METTL15: variants seen among roughly 807,000 people sequenced by gnomAD.
METTL15 encodes methyltransferase 15, mitochondrial 12S rRNA N4-cytidine.
A neutral mutation model predicts 38.3 loss-of-function variants in METTL15; 34 were observed. That is an observed-to-expected ratio of 0.89 (90% CI 0.68 to 1.18). The LOEUF is 1.18. Among genes scored for constraint, METTL15 ranks in the 50% most tolerant of loss-of-function variants. METTL15 has a pLI of 0.00. For missense variants in METTL15, 438 were observed against 498.4 expected (o/e 0.88, Z 1.15); for synonymous variants, 162 against 170.9 (o/e 0.95, Z 0.41).
chr11:28,348,098 CTTGA>C (rs1238974853), intron 3 of METTL15, among the ~76,000 whole-genome samples: 2 of 152,166 alleles, frequency 1.3e-5, no homozygotes, highest in African/African-American at 2.4e-5. Context: ...GTTTCAATCA[CTTGA>C]TTAAGATTAC....
intron 4 of METTL15, among the ~76,000 whole-genome samples, chr11:28,246,136 A>G (rs1179526911): frequency 6.6e-6 from 1 of 152,222 alleles, no homozygotes; most frequent in African/African-American, 2.4e-5. Flanking sequence ...CAATATTGTG[A>G]CTATAGTTAA....
At chr11:28,156,148 A>G (rs181540280) in intron 3 of METTL15, among the ~76,000 whole-genome samples, 1 of 152,094 alleles carries the variant, frequency 6.6e-6, no homozygotes, top group Admixed American at 6.6e-5. Context: ...ATACCCCAGG[A>G]TGGGAAATAA....
chr11:28,129,910 G>A (rs1852684277), intron 3 of METTL15, among the ~76,000 whole-genome samples: 1 of 152,100 alleles, frequency 6.6e-6, no homozygotes, highest in African/African-American at 2.4e-5. Flanking sequence ...TGGAATACCA[G>A]TATTAAGAAG....
At chr11:28,526,794 C>T (rs1406202406) in exon 8 of METTL15, 1 of 152,222 alleles carries the variant, frequency 6.6e-6, no homozygotes, top group East Asian at 1.9e-4. Flanking sequence ...TCTAAGCAGA[C>T]TAATGCAAGC....
At chr11:28,475,862 C>T (rs1851342225) in intron 6 of METTL15, among the ~76,000 whole-genome samples, 2 of 152,202 alleles carry the variant, frequency 1.3e-5, no homozygotes, top group Admixed American at 1.3e-4. Context: ...TGCCTGTCCA[C>T]TAAGTGGCTG....
At chr11:28,145,198 C>A (rs1408214257) in intron 3 of METTL15, 2 of 152,944 alleles carry the variant, frequency 1.3e-5, no homozygotes, top group African/African-American at 4.8e-5. Context: ...CCAGACAAAT[C>A]AGACCATGGT....
intron 5 of METTL15, among the ~76,000 whole-genome samples, chr11:28,420,267 A>G (rs1456946834): frequency 6.6e-6 from 1 of 152,202 alleles, no homozygotes; most frequent in African/African-American, 2.4e-5. Flanking sequence ...CAATACAGTA[A>G]TAACTACACA....
chr11:28,323,217 A>C (rs1849528811), intron 6 of METTL15, among the ~76,000 whole-genome samples: 2 of 151,910 alleles, frequency 1.3e-5, no homozygotes, highest in Admixed American at 1.3e-4. Flanking sequence ...TTTTTTTAAC[A>C]ATGACTGTGT....
At chr11:28,329,870 C>G (rs1395288934) in intron 6 of METTL15, among the ~76,000 whole-genome samples, 1 of 152,088 alleles carries the variant, frequency 6.6e-6, no homozygotes, top group Admixed American at 6.6e-5. Context: ...GTGTTCTTCT[C>G]AACACTGTTT....
At chr11:28,376,684 G>T (rs2133380474) in intron 5 of METTL15, among the ~76,000 whole-genome samples, 1 of 151,592 alleles carries the variant, frequency 6.6e-6, no homozygotes, top group East Asian at 2.0e-4. Flanking sequence ...TGTTATGTGT[G>T]AATTTGATCC....
At chr11:28,149,921 CATT>C (rs1448288719) in intron 3 of METTL15, among the ~76,000 whole-genome samples, 2 of 151,980 alleles carry the variant, frequency 1.3e-5, no homozygotes, top group Admixed American at 6.6e-5. Context: ...TGGAAACACT[CATT>C]GAGACAACTG....
chr11:28,285,512 G>A (rs895402460), intron 4 of METTL15, among the ~76,000 whole-genome samples: 1 of 152,088 alleles, frequency 6.6e-6, no homozygotes, highest in Non-Finnish European at 1.5e-5. Flanking sequence ...GAACATGATA[G>A]CTATAGTAGT....
At chr11:28,252,581 T>C (rs1162432147) in intron 4 of METTL15, among the ~76,000 whole-genome samples, 1 of 152,168 alleles carries the variant, frequency 6.6e-6, no homozygotes, top group Non-Finnish European at 1.5e-5. Context: ...AGAAAATTTC[T>C]TCACTTAAGC....
At chr11:28,295,968 A>G (rs1044956774) in intron 5 of METTL15, among the ~76,000 whole-genome samples, 1 of 152,134 alleles carries the variant, frequency 6.6e-6, no homozygotes, top group Admixed American at 6.6e-5. Flanking sequence ...ATCACTTAGA[A>G]TTCTTTGGCC....
intron 6 of METTL15, among the ~76,000 whole-genome samples, chr11:28,485,112 T>TAC (rs33941898): frequency 0.33 from 49,056 of 148,654 alleles, 8,875 homozygotes; most frequent in East Asian, 0.61. Flanking sequence ...AATGAAGTTT[T>TAC]ACACACACAC....
intron 6 of METTL15, among the ~76,000 whole-genome samples, chr11:28,447,568 A>G (rs1851085623): frequency 6.6e-6 from 1 of 151,998 alleles, no homozygotes; most frequent in African/African-American, 2.4e-5. Context: ...TGCCACAGAA[A>G]CCAATGGCTG....
intron 6 of METTL15, among the ~76,000 whole-genome samples, chr11:28,424,883 T>C (rs2133424035): frequency 6.6e-6 from 1 of 152,268 alleles, no homozygotes; most frequent in South Asian, 2.1e-4. Flanking sequence ...TACAGGGATG[T>C]GGGAAAAGCA....
At chr11:28,141,774 T>A (rs1311678453) in intron 3 of METTL15, among the ~76,000 whole-genome samples, 1 of 152,192 alleles carries the variant, frequency 6.6e-6, no homozygotes, top group African/African-American at 2.4e-5. Context: ...GAACAATGGC[T>A]GGTTATTGCT....
intron 5 of METTL15, among the ~76,000 whole-genome samples, chr11:28,414,934 T>C (rs1016139632): frequency 5.3e-5 from 8 of 152,204 alleles, no homozygotes; most frequent in Admixed American, 4.6e-4. Context: ...GTGAAAGCTA[T>C]TTGAAGCTTG....
Sources: gnomAD v4.1 joint callset for allele counts (sites outside exome capture counted in the v4.1 genomes callset) on GRCh38, gnomAD v4.1.1 for gene constraint, MANE v1.5 for transcripts, NCBI Gene and HGNC (gene_info 2026-07-23, HGNC 2026-07-21) for gene names.